Variants in PLXDC2 observed in about 807,000 individuals in gnomAD.
The protein encoded by PLXDC2 is plexin domain-containing protein 2.
PLXDC2 carries 40 observed loss-of-function variants against 68.9 expected under a neutral mutation model. The ratio of observed to expected loss-of-function variants is 0.58; its 90% CI spans 0.45 to 0.76. PLXDC2 has a LOEUF of 0.76. Among genes scored for constraint, PLXDC2 ranks in the 30% least tolerant of loss-of-function variants. The pLI, the probability that PLXDC2 is intolerant of heterozygous loss-of-function variation, is 0.00. For synonymous variants in PLXDC2, 243 were observed against 234.2 expected (o/e 1.04, Z -0.34); for missense variants, 644 against 661.9 (o/e 0.97, Z 0.30).
rs189408045 is a variant in PLXDC2 at position 19,983,780 on chromosome 10, G to A, written c.113-17995G>A. ...AGCAGCAACACCAGGAGGCTCGTCC[G>A]AAATGCAGGACTGCAGGCCCACCTT... On this transcript the variant is annotated intron_variant, in intron 1 of 13. Transcript: ENST00000377252. 2.8e-4 allele frequency among the ~76,000 whole-genome samples: 42 copies of A among 152,236 alleles called. No individual in the cohort carries two copies. The East Asian group carries it at 6.8e-3, about 25-fold the overall frequency.
intron 4 of PLXDC2, among the ~76,000 whole-genome samples, chr10:20,087,236 T>C (rs1833212236): frequency 6.6e-6 from 1 of 152,200 alleles, no homozygotes; most frequent in Non-Finnish European, 1.5e-5. Flanking sequence ...GAGAACCACA[T>C]ATTAAATTTG....
chr10:19,926,676 T>C (rs78366843), intron 1 of PLXDC2, among the ~76,000 whole-genome samples: 7,182 of 152,314 alleles, frequency 0.047, 181 homozygotes, highest in Non-Finnish European at 0.056. Flanking sequence ...GTCAGTTTTG[T>C]TAAAAGCATG....
intron 4 of PLXDC2, among the ~76,000 whole-genome samples, chr10:20,068,820 G>A (rs1836265545): frequency 6.6e-6 from 1 of 151,862 alleles, no homozygotes; most frequent in Non-Finnish European, 1.5e-5. Context: ...CACAAGCTTG[G>A]AGGTTAGTTT....
chr10:20,071,980 G>A (rs904755716), intron 4 of PLXDC2, among the ~76,000 whole-genome samples: 43 of 152,174 alleles, frequency 2.8e-4, no homozygotes, highest in Non-Finnish European at 4.4e-4. Flanking sequence ...AACTAAATTA[G>A]TTTATCCTGA....
intron 13 of PLXDC2, among the ~76,000 whole-genome samples, chr10:20,276,144 G>A (rs1343559551): frequency 1.3e-5 from 2 of 152,066 alleles, no homozygotes; most frequent in Non-Finnish European, 2.9e-5. Context: ...GTGCCATTAT[G>A]TACCACAGGT....
intron 1 of PLXDC2, among the ~76,000 whole-genome samples, chr10:19,887,116 T>C (rs1205787814): frequency 6.6e-6 from 1 of 152,168 alleles, no homozygotes; most frequent in Non-Finnish European, 1.5e-5. Flanking sequence ...TTGGTATGTG[T>C]TTTTAAATCT....
intron 4 of PLXDC2, among the ~76,000 whole-genome samples, chr10:20,133,432 C>G (rs960808243): frequency 6.6e-6 from 1 of 152,150 alleles, no homozygotes; most frequent in African/African-American, 2.4e-5. Flanking sequence ...CTGGGAAATT[C>G]TGTCTCTCTT....
chr10:20,113,719 TA>T (rs570672069), intron 4 of PLXDC2, among the ~76,000 whole-genome samples: 1,898 of 152,182 alleles, frequency 0.012, 32 homozygotes, highest in African/African-American at 0.04. Flanking sequence ...AGGGGAAAAA[TA>T]AAAAAACAGA....
At chr10:19,817,973 G>T (rs560605705) in intron 1 of PLXDC2, among the ~76,000 whole-genome samples, 9 of 152,302 alleles carry the variant, frequency 5.9e-5, no homozygotes, top group Admixed American at 2.6e-4. Flanking sequence ...CGCCCCGGGG[G>T]CTATCGCCGA....
chr10:19,861,167 T>A (rs1299278162), intron 1 of PLXDC2, among the ~76,000 whole-genome samples: 1 of 152,068 alleles, frequency 6.6e-6, no homozygotes, highest in African/African-American at 2.4e-5. Context: ...CCCAAGTAGC[T>A]GAGGTTATGG....
At chr10:20,262,668 G>T (rs1344062956) in intron 13 of PLXDC2, among the ~76,000 whole-genome samples, 1 of 152,216 alleles carries the variant, frequency 6.6e-6, no homozygotes, top group Non-Finnish European at 1.5e-5. Context: ...CCCCGGGTGG[G>T]ACCTCCCAAC....
At chr10:19,925,640 G>T in intron 1 of PLXDC2, among the ~76,000 whole-genome samples, 1 of 152,160 alleles carries the variant, frequency 6.6e-6, no homozygotes, top group East Asian at 1.9e-4. Flanking sequence ...GGAGACATTG[G>T]TTGTGAGAGT....
intron 1 of PLXDC2, among the ~76,000 whole-genome samples, chr10:19,874,491 T>TGTAATGTGTAGGAATTGCAAAA (rs1178672059): frequency 6.6e-6 from 1 of 152,102 alleles, no homozygotes; most frequent in Non-Finnish European, 1.5e-5. Context: ...TAAAAGACAT[T>TGTAATGTGTAGGAATTGCAAAA]GTAATGTGTA....
chr10:20,134,388 C>T (rs1170969742), intron 4 of PLXDC2, among the ~76,000 whole-genome samples: 1 of 152,164 alleles, frequency 6.6e-6, no homozygotes, highest in Non-Finnish European at 1.5e-5. Context: ...CTTCACCACT[C>T]AGTCCATCCA....
rs1836087020 is a variant in PLXDC2 at position 20,281,943 on chromosome 10, G to A, written c.*2124G>A. Reference sequence around the variant, plus strand: ...TGACAGTTATATAAATCTTGCATGTGTATTCTTAGTTTGTGTCCCTTAAGT... The same window carrying A: ...TGACAGTTATATAAATCTTGCATGTATATTCTTAGTTTGTGTCCCTTAAGT... On this transcript the variant is annotated 3_prime_UTR_variant, in exon 14 of 14. Coordinates refer to ENST00000377252, the MANE Select transcript of PLXDC2 (RefSeq NM_032812.9). 1 of 152,052 alleles carries A rather than the reference G, an allele frequency of 6.6e-6. No individual in the cohort carries two copies. Among genetic ancestry groups the A allele is most frequent in the Non-Finnish European group, 1.5e-5 (1 of 68,004 alleles). 9.4% of individuals were successfully genotyped at this position (152,052 alleles called of 1,614,324 possible).
chr10:19,858,576 G>A (rs1006715357), intron 1 of PLXDC2, among the ~76,000 whole-genome samples: 5 of 152,132 alleles, frequency 3.3e-5, no homozygotes, highest in African/African-American at 1.2e-4. Context: ...AAATGAATTA[G>A]TTTAGATTTC....
chr10:19,950,888 T>A (rs777612248), intron 1 of PLXDC2, among the ~76,000 whole-genome samples: 27 of 152,006 alleles, frequency 1.8e-4, no homozygotes, highest in Non-Finnish European at 3.5e-4. Flanking sequence ...TTGACAGAAA[T>A]AAGCAAGGGG....
At chr10:19,854,035 C>T (rs915529419) in intron 1 of PLXDC2, among the ~76,000 whole-genome samples, 1 of 152,134 alleles carries the variant, frequency 6.6e-6, no homozygotes, top group Non-Finnish European at 1.5e-5. Context: ...ATGGAATCAG[C>T]ACAGAATGCT....
chr10:19,871,480 T>TATCAGTGGACTTTCCAAAAGTCCAGTCCA (rs1205161816), intron 1 of PLXDC2, among the ~76,000 whole-genome samples: 3 of 152,192 alleles, frequency 2.0e-5, no homozygotes, highest in Non-Finnish European at 4.4e-5. Flanking sequence ...TTTCCAAATA[T>TATCAGTGGACTTTCCAAAAGTCCAGTCCA]AATCTTATCA....
Sources: gnomAD v4.1 joint callset for allele counts (sites outside exome capture counted in the v4.1 genomes callset) on GRCh38, gnomAD v4.1.1 for gene constraint, MANE v1.5 for transcripts, NCBI Gene and HGNC (gene_info 2026-07-23, HGNC 2026-07-21) for gene names.